CIP2A: variants seen among roughly 807,000 people sequenced by gnomAD.
CIP2A encodes the protein protein CIP2A.
CIP2A carries 103 observed loss-of-function variants against 110.9 expected under a neutral mutation model. The observed-to-expected ratio is 0.93, with a 90% CI of 0.79 to 1.09. The LOEUF (loss-of-function observed/expected upper bound fraction) is 1.09, where lower values mean the gene tolerates loss of function less well. Ranked by LOEUF, CIP2A falls within the 50% of genes least tolerant of loss-of-function variation. CIP2A has a pLI of 0.00. For synonymous variants in CIP2A, 381 were observed against 361.6 expected (o/e 1.05, Z -0.61); for missense variants, 1,088 against 1,038.4 (o/e 1.05, Z -0.66).
intron 1 of CIP2A, among the ~76,000 whole-genome samples, chr3:108,586,772 A>G (rs1466403990): frequency 6.6e-6 from 1 of 152,190 alleles, no homozygotes; most frequent in Non-Finnish European, 1.5e-5. Context: ...GCTTTTAATC[A>G]CTACACAAAA....
At position 108,552,346 on chromosome 3, in the gene CIP2A, TC is replaced by T. The variant is rs1185303314; in HGVS notation, c.2434del (p.Glu812LysfsTer25). 6.5e-7 allele frequency: 1 copy of T among 1,539,524 alleles called. No individual in the cohort carries two copies. The highest frequency in any genetic ancestry group is 8.8e-7 in the Non-Finnish European group (1 of 1,141,398). The part of the protein sequence containing the change: ...ANLHQKTKVQ[E>X]EKIKTLQKER... ...CTTTTGTAAGGTTTTAATCTTTTCT[TC>T]TTGTACTTTTGTTTTTTGATGCAAA... On this transcript the variant is annotated frameshift_variant, in exon 20 of 21. Coordinates refer to ENST00000295746, the MANE Select transcript of CIP2A (RefSeq NM_020890.3). LOFTEE classifies it high-confidence loss of function.
intron 1 of CIP2A, chr3:108,585,846 TG>T (rs777252089): frequency 4.2e-5 from 19 of 449,414 alleles, no homozygotes; most frequent in East Asian, 2.8e-4. Flanking sequence ...ATTATTCCAT[TG>T]TTTTTTTTAC....
chr3:108,571,105 C>T (rs1259048346), intron 8 of CIP2A, among the ~76,000 whole-genome samples: 1 of 152,128 alleles, frequency 6.6e-6, no homozygotes, highest in Non-Finnish European at 1.5e-5. Flanking sequence ...GGAAGGTCTT[C>T]AGGGGCAGTA....
In CIP2A at chr3:108,589,273, C is replaced by T; in HGVS notation, c.102+1G>A. On this transcript the variant is annotated splice_donor_variant, in intron 1 of 20. Transcript: ENST00000295746. LOFTEE classifies it high-confidence loss of function. The stretch of plus-strand genomic sequence containing the variant: ...CTGTCCTCTACCCCAGAGCCTCTCA[C>T]CTCCAAGTGCCGCAAAAGCTGAGTG... 1 of 1,612,512 alleles carries T rather than the reference C, an allele frequency of 6.2e-7. No individual in the cohort carries two copies. Among genetic ancestry groups the T allele is most frequent in the Non-Finnish European group, 8.5e-7 (1 of 1,178,532 alleles).
intron 2 of CIP2A, among the ~76,000 whole-genome samples, chr3:108,584,665 T>C (rs986364989): frequency 4.6e-5 from 7 of 152,198 alleles, no homozygotes; most frequent in Admixed American, 4.6e-4. Flanking sequence ...TATTGGACAA[T>C]GCTGCTCTGT....
At chr3:108,572,741 A>C (rs1310795110) in intron 8 of CIP2A, among the ~76,000 whole-genome samples, 1 of 143,364 alleles carries the variant, frequency 7.0e-6, no homozygotes, top group African/African-American at 2.4e-5. Context: ...GATTTTCTAT[A>C]CTCTCACGTC....
At position 108,585,092 on chromosome 3, in the gene CIP2A, T is replaced by G; in HGVS notation, c.223A>C (p.Ser75Arg). The G allele has an allele frequency of 2.5e-6, 4 of 1,612,864 alleles. No homozygotes were observed. Among genetic ancestry groups the G allele is most frequent in the Non-Finnish European group, 3.4e-6 (4 of 1,179,400 alleles). The change falls in exon 2 of 21, where the codon AGT becomes CGT. Residue 75 changes from serine (S) to arginine (R), a missense_variant. Transcript: ENST00000295746. Reference sequence around the variant, plus strand: ...AGTTGAGACAGCAAACCGATAATACTTAAGATCAGTGAAGCACTTATGTTG... The same window carrying G: ...AGTTGAGACAGCAAACCGATAATACGTAAGATCAGTGAAGCACTTATGTTG... ...DPNISASLIL[S>R]IIGLLSQLAV...
intron 12 of CIP2A, among the ~76,000 whole-genome samples, chr3:108,564,989 C>G (rs1481991173): frequency 6.6e-6 from 1 of 151,788 alleles, no homozygotes; most frequent in Non-Finnish European, 1.5e-5. Context: ...CCCCTTAATA[C>G]CCTACATCAA....
intron 12 of CIP2A, 106 bp downstream of exon 12, chr3:108,565,249 A>G: frequency 3.2e-6 from 2 of 616,104 alleles, no homozygotes; most frequent in Non-Finnish European, 5.6e-6. Context: ...CTCATTGCCA[A>G]TTCTAAGAGA....
intron 4 of CIP2A, 150 bp from the exon 5 acceptor site, chr3:108,581,661 C>A: frequency 1.7e-6 from 1 of 590,632 alleles, no homozygotes; most frequent in South Asian, 2.2e-5. Context: ...CATAAGAAGC[C>A]AGGGAAGCTT....
chr3:108,576,645 T>C (rs1022825388), intron 7 of CIP2A, among the ~76,000 whole-genome samples: 2 of 152,178 alleles, frequency 1.3e-5, no homozygotes, highest in Non-Finnish European at 2.9e-5. Flanking sequence ...AGTGTCTCAA[T>C]TGCTCTATTT....
chr3:108,581,525 TTGG>T lies in CIP2A; in HGVS notation c.453-17_453-15del. ...TCAGAAGATTGACTGTTGTTTTACA[TTGG>T]TGTTTTGTTTAAAGAAAAAATAGTA... On this transcript the variant is annotated splice_polypyrimidine_tract_variant and intron_variant, in intron 4 of 20. Coordinates refer to ENST00000295746, the MANE Select transcript of CIP2A (RefSeq NM_020890.3). 6.6e-7 allele frequency: 1 copy of T among 1,513,792 alleles called. No homozygotes were observed. The highest frequency in any genetic ancestry group is 1.7e-4 in the Middle Eastern group (1 of 5,828). 93.8% of individuals were successfully genotyped at this position (1,513,792 alleles called of 1,614,324 possible). A position where few individuals can be genotyped will look rare whatever the true frequency, so the allele number is the denominator to read the frequency against.
At chr3:108,579,857 G>A (rs1037422083) in intron 5 of CIP2A, among the ~76,000 whole-genome samples, 169 bp from the exon 6 acceptor site, 5 of 152,148 alleles carry the variant, frequency 3.3e-5, no homozygotes, top group South Asian at 2.1e-4. Context: ...ATTTAGATCA[G>A]AGATAAATTT....
rs749928530 is a variant in CIP2A, at chr3:108,582,996, G to A, written c.338C>T (p.Thr113Ile). The A allele has an allele frequency of 6.2e-7, 1 of 1,609,410 alleles. No individual in the cohort carries two copies. Among genetic ancestry groups the A allele is most frequent in the Non-Finnish European group, 8.5e-7 (1 of 1,177,282 alleles). Residue 113 changes from threonine to isoleucine, a missense_variant, in exon 3 of 21, where the codon ACT (threonine) becomes ATT (isoleucine). By Grantham distance (89) the Thr-to-Ile change is moderately conservative (BLOSUM62 -1). Coordinates refer to ENST00000295746, the MANE Select transcript of CIP2A (RefSeq NM_020890.3). ...GTATACCTGCAAAAACACCGAATCA[G>A]TGTGGCTGCTCCGACAAACCACTCC... ...LAGVVCRSSH[T>I]DSVFLQCIQL...
chr3:108,571,431 G>A (rs1938399768), intron 8 of CIP2A, among the ~76,000 whole-genome samples: 1 of 152,098 alleles, frequency 6.6e-6, no homozygotes, highest in Non-Finnish European at 1.5e-5. Flanking sequence ...GTCTGTCATT[G>A]ACTAAAATGT....
intron 1 of CIP2A, among the ~76,000 whole-genome samples, chr3:108,588,158 T>A (rs1209458323): frequency 6.6e-6 from 1 of 152,212 alleles, no homozygotes. Flanking sequence ...TAACTCCCGA[T>A]TTTTAAATTA....
At chr3:108,568,091 G>T in intron 10 of CIP2A, 64 bp downstream of exon 10, 2 of 1,218,492 alleles carry the variant, frequency 1.6e-6, no homozygotes, top group Non-Finnish European at 2.3e-6. Flanking sequence ...TGCAGTGAAT[G>T]CAATACTAGA....
At chr3:108,573,080 A>G (rs1938452920) in intron 8 of CIP2A, among the ~76,000 whole-genome samples, 1 of 151,898 alleles carries the variant, frequency 6.6e-6, no homozygotes, top group African/African-American at 2.4e-5. Flanking sequence ...CTTTTTTGTT[A>G]ATGTGGGAAA....
Position 108,576,347 on chromosome 3 carries a change from C to T in CIP2A, c.819-1G>A. 2 of 1,492,506 alleles carry T rather than the reference C, an allele frequency of 1.3e-6. No individual in the cohort carries two copies. 92.5% of individuals were successfully genotyped at this position (1,492,506 alleles called of 1,614,324 possible). A position where few individuals can be genotyped will look rare whatever the true frequency, so the allele number is the denominator to read the frequency against. ...AAGACATGAAGAAAAGTGCTCATAT[C>T]TAGGTTTAGAATAAAAATATACATC... On this transcript the variant is annotated splice_acceptor_variant, in intron 7 of 20. Transcript: ENST00000295746. LOFTEE classifies it high-confidence loss of function.
Sources: gnomAD v4.1 joint callset for allele counts (sites outside exome capture counted in the v4.1 genomes callset) on GRCh38, gnomAD v4.1.1 for gene constraint, MANE v1.5 for transcripts, NCBI Gene and HGNC (gene_info 2026-07-23, HGNC 2026-07-21) for gene names.